Variants in BCAR3 observed in about 807,000 individuals in gnomAD.
BCAR3 encodes BCAR3 adaptor protein, NSP family member.
BCAR3 carries 37 observed loss-of-function variants against 80.1 expected under a neutral mutation model. The ratio of observed to expected loss-of-function variants is 0.46; its 90% CI spans 0.36 to 0.61. The LOEUF (loss-of-function observed/expected upper bound fraction) is 0.61, where lower values mean the gene tolerates loss of function less well. Among genes scored for constraint, BCAR3 ranks in the 20% least tolerant of loss-of-function variants. The pLI, the probability that BCAR3 is intolerant of heterozygous loss-of-function variation, is 0.00. For missense variants in BCAR3, 978 were observed against 1,068.2 expected (o/e 0.92, Z 1.18); for synonymous variants, 389 against 418.9 (o/e 0.93, Z 0.87).
intron 3 of BCAR3, among the ~76,000 whole-genome samples, chr1:93,622,394 GA>G (rs1431660988): frequency 2.0e-5 from 3 of 152,208 alleles, no homozygotes; most frequent in African/African-American, 7.2e-5. Context: ...CTGGTCACCA[GA>G]AGTGCTTTAT....
At chr1:93,634,760 T>C (rs528643102) in intron 3 of BCAR3, among the ~76,000 whole-genome samples, 61 of 152,056 alleles carry the variant, frequency 4.0e-4, no homozygotes, top group Admixed American at 1.2e-3. Flanking sequence ...CTCTCTTCTC[T>C]TGTCTGCTGC....
At chr1:93,709,651 G>T (rs1649949741) in intron 2 of BCAR3, among the ~76,000 whole-genome samples, 1 of 152,238 alleles carries the variant, frequency 6.6e-6, no homozygotes, top group Non-Finnish European at 1.5e-5. Flanking sequence ...CAGCAAGAAG[G>T]AGGGAGGGGA....
At chr1:93,722,295 G>A (rs369006371) in intron 2 of BCAR3, among the ~76,000 whole-genome samples, 3 of 152,204 alleles carry the variant, frequency 2.0e-5, no homozygotes, top group South Asian at 2.1e-4. Context: ...CCTTTACTGC[G>A]TCCTTGGGGA....
chr1:93,797,457 C>T (rs1266619628), intron 2 of BCAR3, among the ~76,000 whole-genome samples: 5 of 152,034 alleles, frequency 3.3e-5, no homozygotes, highest in African/African-American at 9.7e-5. Flanking sequence ...TTTAGTTAAG[C>T]TTTGTTAATA....
In BCAR3 at chr1:93,582,466, G is replaced by A; in HGVS notation, c.1521C>T (p.Pro507=). 1.9e-6 allele frequency: 3 copies of A among 1,614,150 alleles called. No individual in the cohort carries two copies. The highest frequency in any genetic ancestry group is 2.5e-6 in the Non-Finnish European group (3 of 1,180,020). ...GQWDKGEFVT[P]LLETVSSFRP... The stretch of plus-strand genomic sequence containing the variant: ...TGAAGGAGGAGACAGTCTCCAGGAG[G>A]GGCGTCACAAACTCGCCCTTGTCCC... The change falls in exon 7 of 12, where the codon CCC becomes CCT. Residue 507 remains proline, a synonymous_variant. Transcript: ENST00000260502.
chr1:93,824,583 C>T (rs879353121), intron 2 of BCAR3, among the ~76,000 whole-genome samples: 2 of 132,758 alleles, frequency 1.5e-5, no homozygotes, highest in Non-Finnish European at 3.4e-5. Flanking sequence ...CTTGCATCCC[C>T]GACCTTACCC....
At chr1:93,654,653 T>G (rs1571011961) in intron 2 of BCAR3, among the ~76,000 whole-genome samples, 1 of 152,344 alleles carries the variant, frequency 6.6e-6, no homozygotes, top group South Asian at 2.1e-4. Context: ...CACTCTTCCA[T>G]CTCAGTCACA....
chr1:93,683,227 C>G (rs187331541), upstream of BCAR3, among the ~76,000 whole-genome samples: 4 of 152,192 alleles, frequency 2.6e-5, no homozygotes, highest in Admixed American at 2.6e-4. Context: ...TCAAAAAAGC[C>G]AATAAACATA....
intron 3 of BCAR3, among the ~76,000 whole-genome samples, chr1:93,632,272 G>T (rs1675646724): frequency 6.6e-6 from 1 of 152,244 alleles, no homozygotes; most frequent in Non-Finnish European, 1.5e-5. Flanking sequence ...TAGAGCAAGG[G>T]TCAGAAAACT....
intron 3 of BCAR3, among the ~76,000 whole-genome samples, chr1:93,704,353 C>A (rs917382379): frequency 6.6e-6 from 1 of 152,002 alleles, no homozygotes; most frequent in African/African-American, 2.4e-5. Context: ...AAAGTAGAGA[C>A]GATGAGGTCA....
intron 5 of BCAR3, among the ~76,000 whole-genome samples, chr1:93,587,573 G>A (rs1376822422): frequency 2.0e-5 from 3 of 152,134 alleles, no homozygotes; most frequent in African/African-American, 7.2e-5. Flanking sequence ...ATGCTGACTA[G>A]CATGTGCCGG....
chr1:93,729,700 G>A (rs1208323742), intron 2 of BCAR3, among the ~76,000 whole-genome samples: 2 of 152,172 alleles, frequency 1.3e-5, no homozygotes, highest in Non-Finnish European at 2.9e-5. Flanking sequence ...ATCAGGAGGG[G>A]TATACTGTGG....
intron 2 of BCAR3, among the ~76,000 whole-genome samples, chr1:93,797,046 A>G (rs536468246): frequency 9.2e-5 from 14 of 152,322 alleles, no homozygotes; most frequent in African/African-American, 2.9e-4. Context: ...AAGAGGGCCC[A>G]TATGTTTTCC....
chr1:93,773,470 G>T (rs1390174793), intron 2 of BCAR3, among the ~76,000 whole-genome samples: 1 of 152,226 alleles, frequency 6.6e-6, no homozygotes, highest in African/African-American at 2.4e-5. Flanking sequence ...CAGACAGAAA[G>T]CTTCCCTGGA....
At chr1:93,830,226 G>A (rs1000450609) in intron 2 of BCAR3, among the ~76,000 whole-genome samples, 2 of 152,144 alleles carry the variant, frequency 1.3e-5, no homozygotes, top group African/African-American at 4.8e-5. Flanking sequence ...ATTTGGAGAG[G>A]CCGAGGTGGG....
At chr1:93,701,480 G>A (rs1649639936) in intron 3 of BCAR3, among the ~76,000 whole-genome samples, 1 of 152,202 alleles carries the variant, frequency 6.6e-6, no homozygotes, top group Non-Finnish European at 1.5e-5. Context: ...AAAGATGCCT[G>A]GCAGGGGACA....
At chr1:93,576,168 G>C (rs1673449186) in intron 7 of BCAR3, 39 bp from the exon 8 acceptor site, 4 of 1,513,416 alleles carry the variant, frequency 2.6e-6, no homozygotes, top group Non-Finnish European at 3.7e-6. Flanking sequence ...GGATCAGGAA[G>C]TGGGCTTGCC....
At chr1:93,730,006 T>C (rs951825327) in intron 2 of BCAR3, among the ~76,000 whole-genome samples, 12 of 152,252 alleles carry the variant, frequency 7.9e-5, no homozygotes, top group African/African-American at 2.4e-4. Flanking sequence ...TTTTATGTCT[T>C]AAATTGTATA....
At chr1:93,564,369 C>G (rs912563863) in intron 11 of BCAR3, among the ~76,000 whole-genome samples, 2 of 147,180 alleles carry the variant, frequency 1.4e-5, no homozygotes, top group African/African-American at 2.5e-5. Context: ...ACCTCTGCCT[C>G]CTGGGTTCAA....
Sources: gnomAD v4.1 joint callset for allele counts (sites outside exome capture counted in the v4.1 genomes callset) on GRCh38, gnomAD v4.1.1 for gene constraint, MANE v1.5 for transcripts, NCBI Gene and HGNC (gene_info 2026-07-23, HGNC 2026-07-21) for gene names.